CAMTA1: variants seen among roughly 807,000 people sequenced by gnomAD.
CAMTA1 encodes calmodulin-binding transcription activator 1.
CAMTA1 carries 27 observed loss-of-function variants against 170.9 expected under a neutral mutation model. The ratio of observed to expected loss-of-function variants is 0.16; its 90% CI spans 0.12 to 0.22. The LOEUF is 0.22. Among genes scored for constraint, CAMTA1 ranks in the 10% least tolerant of loss-of-function variants. CAMTA1 has a pLI of 1.00. For synonymous variants in CAMTA1, 833 were observed against 891.5 expected (o/e 0.93, Z 1.17); for missense variants, 1,619 against 2,217.2 (o/e 0.73, Z 5.42).
chr1:7,499,924 TGA>T (rs1384913079), intron 6 of CAMTA1, among the ~76,000 whole-genome samples: 5 of 138,522 alleles, frequency 3.6e-5, no homozygotes, highest in Non-Finnish European at 7.7e-5. Flanking sequence ...TGTGCATGAG[TGA>T]GTGTGCAGAG....
In CAMTA1 at chr1:7,065,152, C is replaced by T. The variant is rs1266532307; in HGVS notation, c.235-26152C>T. Among the ~76,000 whole-genome samples the T allele has an allele frequency of 7.9e-5, 12 of 152,134 alleles. No individual in the cohort carries two copies. Among genetic ancestry groups the T allele is most frequent in the Non-Finnish European group, 1.5e-5 (1 of 68,030 alleles). On this transcript the variant is annotated intron_variant, in intron 3 of 22. Transcript: ENST00000303635. The surrounding 1 kb of genome is among the most constrained non-coding windows in gnomAD (Gnocchi z 5.2). The stretch of plus-strand genomic sequence containing the variant: ...CTAGCAGATCCTGGGCCAGGAGCTC[C>T]CAGAAGGACCTAGGCTTGAGACCTG...
intron 4 of CAMTA1, among the ~76,000 whole-genome samples, chr1:7,142,687 CCT>C (rs776793916): frequency 1.8e-4 from 28 of 152,226 alleles, no homozygotes; most frequent in Non-Finnish European, 3.8e-4. Context: ...TTCCTGGCTT[CCT>C]CTCTTGCCAT....
chr1:6,837,404 CTTT>C (rs1020000303), intron 3 of CAMTA1, among the ~76,000 whole-genome samples: 1 of 152,046 alleles, frequency 6.6e-6, no homozygotes, highest in African/African-American at 2.4e-5. Flanking sequence ...AGATGGGGAT[CTTT>C]TTTAGGTGGT....
At chr1:7,423,811 C>T (rs2091725102) in intron 5 of CAMTA1, among the ~76,000 whole-genome samples, 1 of 152,068 alleles carries the variant, frequency 6.6e-6, no homozygotes, top group African/African-American at 2.4e-5. Context: ...GCTCTTTTTT[C>T]ATTCATTCAT....
intron 21 of CAMTA1, among the ~76,000 whole-genome samples, chr1:7,754,898 G>C (rs570820653): frequency 6.6e-6 from 1 of 152,164 alleles, no homozygotes; most frequent in Non-Finnish European, 1.5e-5. Context: ...ATCTATCCTG[G>C]AAGTTTGTTT....
chr1:7,583,299 T>C (rs1187594074), intron 6 of CAMTA1, among the ~76,000 whole-genome samples: 1 of 150,924 alleles, frequency 6.6e-6, no homozygotes, highest in East Asian at 2.0e-4. Flanking sequence ...ACCAGGCCTG[T>C]CCTGGGAAGC....
chr1:6,837,308 C>T (rs1421401534), intron 3 of CAMTA1, among the ~76,000 whole-genome samples: 3 of 152,184 alleles, frequency 2.0e-5, no homozygotes, highest in South Asian at 4.1e-4. Context: ...AAGGACAAGG[C>T]GCCGAGGTGC....
At chr1:7,710,874 C>G (rs1429466385) in intron 11 of CAMTA1, among the ~76,000 whole-genome samples, 7 of 152,074 alleles carry the variant, frequency 4.6e-5, no homozygotes, top group Non-Finnish European at 8.8e-5. Context: ...CCCTGTAGTT[C>G]CAGGAAATGT....
chr1:6,990,785 G>GTC (rs373182830), intron 3 of CAMTA1, among the ~76,000 whole-genome samples: 2,191 of 141,498 alleles, frequency 0.015, 22 homozygotes, highest in East Asian at 0.032. Context: ...CTCTCTCTCT[G>GTC]TCTCTCTCTC....
At chr1:6,861,666 C>T (rs755912051) in intron 3 of CAMTA1, among the ~76,000 whole-genome samples, 29 of 152,258 alleles carry the variant, frequency 1.9e-4, no homozygotes, top group Admixed American at 5.2e-4. Context: ...TCTCATGACA[C>T]GTCATTGTAG....
At chr1:7,283,121 C>T (rs577371835) in intron 5 of CAMTA1, among the ~76,000 whole-genome samples, 22 of 152,118 alleles carry the variant, frequency 1.4e-4, no homozygotes, top group African/African-American at 3.9e-4. Flanking sequence ...AGAGTAAATA[C>T]GAAAAAAAAT....
At chr1:7,095,944 A>G (rs1452423459) in intron 4 of CAMTA1, among the ~76,000 whole-genome samples, 1 of 152,246 alleles carries the variant, frequency 6.6e-6, no homozygotes, top group Non-Finnish European at 1.5e-5. Flanking sequence ...AGCCAGGAAC[A>G]CACAAAGCTC....
At chr1:7,340,469 TA>T (rs1484239111) in intron 5 of CAMTA1, among the ~76,000 whole-genome samples, 1 of 151,928 alleles carries the variant, frequency 6.6e-6, no homozygotes, top group Non-Finnish European at 1.5e-5. Context: ...AGACCAAGAC[TA>T]GGGGAGGGCC....
chr1:7,648,983 A>G (rs1308742333), intron 7 of CAMTA1, among the ~76,000 whole-genome samples: 1 of 152,206 alleles, frequency 6.6e-6, no homozygotes, highest in Admixed American at 6.5e-5. Flanking sequence ...AGGTGCGAGG[A>G]GGGCAGGCGT....
At chr1:7,172,188 T>C (rs918399208) in intron 4 of CAMTA1, among the ~76,000 whole-genome samples, 2 of 152,140 alleles carry the variant, frequency 1.3e-5, no homozygotes, top group African/African-American at 2.4e-5. Flanking sequence ...GTCTCGCTGT[T>C]GCCCAGGCTG....
intron 5 of CAMTA1, among the ~76,000 whole-genome samples, chr1:7,432,982 G>A (rs1266641325): frequency 1.3e-5 from 2 of 152,322 alleles, no homozygotes; most frequent in South Asian, 2.1e-4. Flanking sequence ...CTCCAGACCC[G>A]ACAGACCCCC....
chr1:6,857,675 G>C (rs1662956275), intron 3 of CAMTA1, among the ~76,000 whole-genome samples: 1 of 150,188 alleles, frequency 6.7e-6, no homozygotes. Context: ...GAAGGCATTC[G>C]TTAACTCAAC....
chr1:7,640,771 C>G (rs546980885), intron 7 of CAMTA1, among the ~76,000 whole-genome samples: 1 of 152,168 alleles, frequency 6.6e-6, no homozygotes. Context: ...GCCAGGCCCA[C>G]GTGACAGATG....
intron 6 of CAMTA1, among the ~76,000 whole-genome samples, chr1:7,486,924 C>A (rs569033089): frequency 6.6e-6 from 1 of 152,206 alleles, no homozygotes; most frequent in Non-Finnish European, 1.5e-5. Flanking sequence ...CTACCCCTGA[C>A]TTCTCTAGGG....
Sources: allele counts gnomAD v4.1 joint callset (sites outside exome capture counted in the v4.1 genomes callset), GRCh38; gene constraint gnomAD v4.1.1; non-coding constraint Gnocchi (gnomAD v3.1); transcripts MANE v1.5; gene names NCBI Gene and HGNC (gene_info 2026-07-23, HGNC 2026-07-21).